The following NOL4 variants were observed in gnomAD, a reference collection of about 807,000 sequenced individuals.
NOL4 encodes the protein cancer/testis antigen 125.
A neutral mutation model predicts 75.9 loss-of-function variants in NOL4; 17 were observed. The observed-to-expected ratio is 0.22, with a 90% CI of 0.15 to 0.34. NOL4 has a LOEUF of 0.34. Ranked by LOEUF, NOL4 falls within the 10% of genes least tolerant of loss-of-function variation. NOL4 has a pLI of 1.00. For synonymous variants in NOL4, 292 were observed against 289.9 expected (o/e 1.01, Z -0.07); for missense variants, 614 against 793.5 (o/e 0.77, Z 2.72).
intron 5 of NOL4, among the ~76,000 whole-genome samples, chr18:34,081,256 T>C (rs973404971): frequency 2.6e-5 from 4 of 152,196 alleles, no homozygotes; most frequent in Middle Eastern, 3.2e-3. Flanking sequence ...ATTAATAATA[T>C]TAAAACTTCT....
In NOL4 at chr18:33,877,851, T is replaced by TGTGCGC. The variant is rs775873694; in HGVS notation, c.1723+5392_1723+5393insGCGCAC. 2.3e-3 allele frequency among the ~76,000 whole-genome samples: 336 copies of TGTGCGC among 148,606 alleles called. 1 individual carries two copies. The highest frequency in any genetic ancestry group is 0.014 in the Middle Eastern group (4 of 284). On this transcript the variant is annotated intron_variant, in intron 10 of 10. Coordinates refer to ENST00000261592, the MANE Select transcript of NOL4 (RefSeq NM_003787.5). ...TTGTGTGTGTGTGTGTGTGTGTGTG[T>TGTGCGC]GCGCTATCATACATGCTTCAGAGGT...
chr18:34,222,479 T>G (rs2037387924), intron 1 of NOL4: 2 of 984,556 alleles, frequency 2.0e-6, no homozygotes, highest in African/African-American at 3.5e-5. Flanking sequence ...AACCTGACAG[T>G]GTCCTGGGGA....
intron 10 of NOL4, among the ~76,000 whole-genome samples, chr18:33,882,601 G>C (rs1351773315): frequency 1.1e-4 from 16 of 149,164 alleles, no homozygotes; most frequent in South Asian, 4.3e-4. Context: ...CTTTTACACT[G>C]TTGGTGGGAC....
At chr18:33,883,125 G>A (rs961245786) in intron 10 of NOL4, 119 bp downstream of exon 10, 1 of 658,262 alleles carries the variant, frequency 1.5e-6, no homozygotes, top group Non-Finnish European at 2.5e-6. Flanking sequence ...GTTAGTGGGT[G>A]CAGCGCACCA....
At chr18:33,868,126 C>T (rs2063519562) in intron 10 of NOL4, among the ~76,000 whole-genome samples, 1 of 151,542 alleles carries the variant, frequency 6.6e-6, no homozygotes, top group Non-Finnish European at 1.5e-5. Context: ...CAGCCTTGAC[C>T]TCTAGAGCTC....
intron 6 of NOL4, among the ~76,000 whole-genome samples, chr18:33,978,967 T>C (rs1489771038): frequency 1.3e-5 from 2 of 151,976 alleles, no homozygotes; most frequent in Admixed American, 6.6e-5. Context: ...TGTATAATTG[T>C]TTGGGCAATA....
chr18:33,912,262 T>TA (rs909947447), intron 9 of NOL4, among the ~76,000 whole-genome samples: 3 of 152,030 alleles, frequency 2.0e-5, no homozygotes, highest in Non-Finnish European at 2.9e-5. Flanking sequence ...AAACTTTATA[T>TA]ATTCACTTAT....
At chr18:34,055,791 A>G (rs2076810807) in intron 5 of NOL4, among the ~76,000 whole-genome samples, 1 of 151,436 alleles carries the variant, frequency 6.6e-6, no homozygotes, top group African/African-American at 2.4e-5. Context: ...AGTTTTGTTT[A>G]CTTTTCTTCA....
At chr18:33,989,184 T>C (rs947719796) in intron 6 of NOL4, among the ~76,000 whole-genome samples, 2 of 70,982 alleles carry the variant, frequency 2.8e-5, no homozygotes, top group African/African-American at 1.3e-4. Flanking sequence ...TGAGACCCCA[T>C]CTCTACAAAA....
intron 6 of NOL4, among the ~76,000 whole-genome samples, chr18:34,015,662 G>A (rs1195377964): frequency 1.3e-5 from 2 of 151,880 alleles, no homozygotes; most frequent in African/African-American, 4.8e-5. Flanking sequence ...CAGCACTTTT[G>A]CTCTGAAATC....
chr18:33,888,274 T>A (rs539216877), intron 9 of NOL4, among the ~76,000 whole-genome samples: 1 of 152,296 alleles, frequency 6.6e-6, no homozygotes, highest in Non-Finnish European at 1.5e-5. Context: ...GGGTTGCTTT[T>A]TTCTTGTAAA....
At chr18:33,947,922 T>C (rs1411367272) in intron 8 of NOL4, among the ~76,000 whole-genome samples, 1 of 152,050 alleles carries the variant, frequency 6.6e-6, no homozygotes, top group East Asian at 1.9e-4. Flanking sequence ...GTTGGCATGA[T>C]GTAAATGTGT....
rs377657600 is a variant in NOL4 at position 34,019,471 on chromosome 18, T to C, written c.903A>G (p.Glu301=). ...SDGKTGLEQD[E]QPLNLSDSPL... is the part of the protein sequence containing the mutation. ...GACTGTCACTCAGGTTCAGTGGCTGTTCATCTTGCTCCAGCCCAGTTTTGC... is the reference window on the plus strand; with the variant it reads ...GACTGTCACTCAGGTTCAGTGGCTGCTCATCTTGCTCCAGCCCAGTTTTGC... Residue 301 remains glutamate, a synonymous_variant, in exon 6 of 11, where the codon GAA becomes GAG. Transcript: ENST00000261592. 2 of 1,613,690 alleles carry C rather than the reference T, an allele frequency of 1.2e-6. No homozygotes were observed. Among genetic ancestry groups the C allele is most frequent in the Non-Finnish European group, 1.7e-6 (2 of 1,179,966 alleles).
intron 1 of NOL4, among the ~76,000 whole-genome samples, chr18:34,203,358 A>C (rs2035870417): frequency 6.6e-6 from 1 of 151,962 alleles, no homozygotes; most frequent in Non-Finnish European, 1.5e-5. Flanking sequence ...ACTGTTCCAT[A>C]TATTGAGTGT....
chr18:34,150,509 T>C (rs963331601), intron 1 of NOL4, among the ~76,000 whole-genome samples: 2 of 151,654 alleles, frequency 1.3e-5, no homozygotes, highest in African/African-American at 2.4e-5. Context: ...TTAACAAACA[T>C]TGCAGAACAG....
intron 10 of NOL4, among the ~76,000 whole-genome samples, chr18:33,864,588 C>T (rs1268637573): frequency 2.0e-5 from 3 of 152,180 alleles, no homozygotes; most frequent in Non-Finnish European, 4.4e-5. Flanking sequence ...CCCACATCTT[C>T]CTGTTTTCCT....
chr18:34,115,750 C>A (rs994312159), intron 2 of NOL4, among the ~76,000 whole-genome samples: 1 of 152,126 alleles, frequency 6.6e-6, no homozygotes, highest in African/African-American at 2.4e-5. Context: ...CAGCAGAGAG[C>A]TGTTCTCTTT....
rs1424897226 is a variant in NOL4, at chr18:34,163,499, A to G, written c.265-33479T>C. 2.0e-5 allele frequency among the ~76,000 whole-genome samples: 3 copies of G among 152,152 alleles called. No homozygotes were observed. The East Asian group carries it at 5.8e-4, about 29-fold the overall frequency. ...GTGAACTCCCATTCACAACTGCTTC[A>G]AAGAGAATAAAATACCTAGGAATCC... On this transcript the variant is annotated intron_variant, in intron 1 of 10. Transcript: ENST00000261592.
At chr18:34,195,867 G>A (rs993072531) in intron 1 of NOL4, among the ~76,000 whole-genome samples, 2 of 152,096 alleles carry the variant, frequency 1.3e-5, no homozygotes, top group South Asian at 4.1e-4. Context: ...TTAATGTATA[G>A]ATGGAACAAT....
Sources: gnomAD v4.1 joint callset for allele counts (sites outside exome capture counted in the v4.1 genomes callset) on GRCh38, gnomAD v4.1.1 for gene constraint, MANE v1.5 for transcripts, NCBI Gene and HGNC (gene_info 2026-07-23, HGNC 2026-07-21) for gene names.